Variants in EXOC7 observed in about 807,000 individuals in gnomAD.
EXOC7 encodes the protein exocyst complex component 7, also known as exocyst complex component Exo70.
EXOC7 carries 51 observed loss-of-function variants against 87.6 expected under a neutral mutation model. The observed-to-expected ratio is 0.58, with a 90% CI of 0.46 to 0.73. EXOC7 has a LOEUF of 0.73. Ranked by LOEUF, EXOC7 falls within the 30% of genes least tolerant of loss-of-function variation. The pLI, the probability that EXOC7 is intolerant of heterozygous loss-of-function variation, is 0.00. For missense variants in EXOC7, 744 were observed against 888.4 expected (o/e 0.84, Z 2.07); for synonymous variants, 327 against 357.1 (o/e 0.92, Z 0.95).
At chr17:76,094,636 C>T in intron 5 of EXOC7, 55 bp from the exon 6 acceptor site, 2 of 1,552,320 alleles carry the variant, frequency 1.3e-6, no homozygotes, top group Non-Finnish European at 8.8e-7. Flanking sequence ...CTCTGCCTTG[C>T]AGACCCACCA....
chr17:76,085,371 G>C lies in EXOC7; in HGVS notation c.1655C>G (p.Thr552Ser). ...GTGCTCCCGGTAGGAGCGCTCAGCA[G>C]TCTTCTGTGTCACTGCCACCAGCTG... ...LIQLVAVTQK[T>S]AERSYREHIE... Residue 552 changes from threonine to serine, a missense_variant, in exon 15 of 19, where the codon ACT becomes AGT. Thr to Ser is a moderately conservative substitution (Grantham distance 58). Coordinates refer to ENST00000589210, the MANE Select transcript of EXOC7 (RefSeq NM_001013839.4). 3 of 1,610,664 alleles carry C rather than the reference G, an allele frequency of 1.9e-6. No homozygotes were observed. Among genetic ancestry groups the C allele is most frequent in the Non-Finnish European group, 2.5e-6 (3 of 1,179,140 alleles).
At position 76,101,412 on chromosome 17, in the gene EXOC7, G is replaced by C. The variant is rs1380714091; in HGVS notation, c.312-36C>G. On this transcript the variant is annotated intron_variant, in intron 3 of 18. Transcript: ENST00000589210. ...AAAGAGCCAGGTCAGGCTGGGGCAT[G>C]GGGGATGAAGAAGGACTAAGGACAC... 3.1e-6 allele frequency: 5 copies of C among 1,611,504 alleles called. No homozygotes were observed. In the African/African-American group the frequency reaches 6.7e-5, roughly 22 times the overall value.
intron 6 of EXOC7, 142 bp downstream of exon 6, chr17:76,094,272 C>T: frequency 1.2e-6 from 1 of 856,838 alleles, no homozygotes; most frequent in South Asian, 2.0e-5. Flanking sequence ...CACTTGCTTT[C>T]TGTCCTGTGT....
At chr17:76,089,745 T>C (rs2067389641) in intron 7 of EXOC7, 1 of 205,552 alleles carries the variant, frequency 4.9e-6, no homozygotes, top group Non-Finnish European at 1.0e-5. Flanking sequence ...GGGTCATCCA[T>C]GTGGGCAAAT....
At chr17:76,088,152 A>C (rs1241197004) in intron 10 of EXOC7, 30 bp from the exon 11 acceptor site, 4 of 1,610,224 alleles carry the variant, frequency 2.5e-6, no homozygotes. Flanking sequence ...GGTTCCCTGA[A>C]GCAGCCCCCA....
At chr17:76,089,620 A>T in intron 7 of EXOC7, 1 of 449,140 alleles carries the variant, frequency 2.2e-6, no homozygotes, top group Non-Finnish European at 4.1e-6. Flanking sequence ...AGATTCCTGA[A>T]TCAGCGTCCT....
At position 76,103,373 on chromosome 17, in the gene EXOC7, G is replaced by C; in HGVS notation, c.114C>G (p.Leu38=). Residue 38 remains leucine (L), a synonymous_variant, in exon 2 of 19, where the codon CTC becomes CTG. Coordinates refer to ENST00000589210, the MANE Select transcript of EXOC7 (RefSeq NM_001013839.4). Reference sequence around the variant, plus strand: ...CGGGGAGACTCACCATGTTCTTAGTGAGCTGGTCGCTCTTCTCCAGGCTGT... The same window carrying C: ...CGGGGAGACTCACCATGTTCTTAGTCAGCTGGTCGCTCTTCTCCAGGCTGT... ...IRDSLEKSDQ[L]TKNMVSILSS... 6.2e-6 allele frequency: 10 copies of C among 1,603,462 alleles called. No homozygotes were observed. The highest frequency in any genetic ancestry group is 7.7e-6 in the Non-Finnish European group (9 of 1,174,970).
rs1397332320 is a variant in EXOC7 at position 76,094,536 on chromosome 17, C to T, written c.686G>A (p.Arg229His). 5.0e-6 allele frequency: 8 copies of T among 1,613,978 alleles called. No homozygotes were observed. The highest frequency in any genetic ancestry group is 6.8e-6 in the Non-Finnish European group (8 of 1,179,990). The change falls in exon 6 of 19, where the codon CGC (arginine) becomes CAC (histidine). Residue 229 changes from arginine to histidine, a missense_variant. Arg to His is a conservative substitution (Grantham distance 29). Coordinates refer to ENST00000589210, the MANE Select transcript of EXOC7 (RefSeq NM_001013839.4). The part of the protein sequence containing the change: ...YYQIRSSQLD[R>H]SIKGLKEHFH... ...ATGCTCCTTCAGTCCTTTGATGGAG[C>T]GGTCCAGCTGGCTGGAGCGTATCTG...
chr17:76,089,472 C>A lies in EXOC7; in HGVS notation c.902-152G>T. 3 of 919,680 alleles carry A rather than the reference C, an allele frequency of 3.3e-6. No individual in the cohort carries two copies. In the South Asian group the frequency reaches 5.0e-5, roughly 15 times the overall value. 57.0% of individuals were successfully genotyped at this position (919,680 alleles called of 1,614,324 possible). ...GTTCTGGCAGAAAGCTGCAAGGGAG[C>A]CAGCAGGCCCCGCCAGGTTCGAGGG... On this transcript the variant is annotated intron_variant, in intron 7 of 18. Coordinates refer to ENST00000589210, the MANE Select transcript of EXOC7 (RefSeq NM_001013839.4).
rs1337938172 is a variant in EXOC7, at chr17:76,085,126, G to A, written c.1712+188C>T. The stretch of plus-strand genomic sequence containing the variant: ...TAAAGTGGCCATAGTGGGCCCCTAG[G>A]AGCAGGTAGTGGTAGAGGAGGGGGC... On this transcript the variant is annotated intron_variant, in intron 15 of 18. Coordinates refer to ENST00000589210, the MANE Select transcript of EXOC7 (RefSeq NM_001013839.4). 46 of 601,248 alleles carry A rather than the reference G, an allele frequency of 7.7e-5. No individual in the cohort carries two copies. In the Admixed American group the frequency reaches 1.2e-3, roughly 16 times the overall value. 37.2% of individuals were successfully genotyped at this position (601,248 alleles called of 1,614,324 possible). A position where few individuals can be genotyped will look rare whatever the true frequency, so the allele number is the denominator to read the frequency against.
rs781489327 is a variant in EXOC7, at chr17:76,081,370, C to T, written c.*2278G>A. ...TTATGATCTGAAGACCCAAGTCCCA[C>T]CCCAGCAGCTGGTGCCCTGCTTCCA... On this transcript the variant is annotated 3_prime_UTR_variant, in exon 19 of 19. Transcript: ENST00000589210. 4 of 1,614,058 alleles carry T rather than the reference C, an allele frequency of 2.5e-6. No homozygotes were observed. Among genetic ancestry groups the T allele is most frequent in the East Asian group, 2.2e-5 (1 of 44,886 alleles).
chr17:76,098,417 T>C (rs926262296), intron 4 of EXOC7, among the ~76,000 whole-genome samples: 3 of 151,624 alleles, frequency 2.0e-5, no homozygotes, highest in African/African-American at 4.8e-5. Flanking sequence ...ATTACAGGCA[T>C]GAGCCACTGC....
In EXOC7 at chr17:76,086,175, T is replaced by C. The variant is rs200628835; in HGVS notation, c.1430-30A>G. 425 of 1,609,122 alleles carry C rather than the reference T, an allele frequency of 2.6e-4. 1 individual carries two copies. The African/African-American group carries it at 5.3e-3, about 20-fold the overall frequency. ...GAGAGGAGAAGTCCTGTTATTGCAG[T>C]GGCAGCAGCCAAGACCCTCAACGGC... On this transcript the variant is annotated intron_variant, in intron 12 of 18. Coordinates refer to ENST00000589210, the MANE Select transcript of EXOC7 (RefSeq NM_001013839.4).
chr17:76,084,245 C>T lies in EXOC7; in HGVS notation c.1818+3G>A. Reference sequence around the variant, plus strand: ...CAGTGGAGGGGAGAGGACCCCGACTCACCTTAAAACGCTCCTTGATAATCT... The same window carrying T: ...CAGTGGAGGGGAGAGGACCCCGACTTACCTTAAAACGCTCCTTGATAATCT... On this transcript the variant is annotated splice_donor_region_variant and intron_variant, in intron 17 of 18. Coordinates refer to ENST00000589210, the MANE Select transcript of EXOC7 (RefSeq NM_001013839.4). 1 of 1,612,054 alleles carries T rather than the reference C, an allele frequency of 6.2e-7. No homozygotes were observed.
chr17:76,082,683 G>A lies in EXOC7; in HGVS notation c.*965C>T. On this transcript the variant is annotated 3_prime_UTR_variant, in exon 19 of 19. Coordinates refer to ENST00000589210, the MANE Select transcript of EXOC7 (RefSeq NM_001013839.4). The stretch of plus-strand genomic sequence containing the variant: ...GCAGGGCCTGGGCTGCACACCTTAG[G>A]ATGAAGTTTGCTTTCCCATGGCTGG... 1 of 1,561,584 alleles carries A rather than the reference G, an allele frequency of 6.4e-7. No homozygotes were observed. Among genetic ancestry groups the A allele is most frequent in the Non-Finnish European group, 8.7e-7 (1 of 1,154,672 alleles).
intron 7 of EXOC7, chr17:76,090,523 G>C: frequency 2.6e-6 from 4 of 1,540,048 alleles, no homozygotes; most frequent in South Asian, 1.2e-5. Context: ...GATGGGGAAG[G>C]GGGCATCGGA....
intron 5 of EXOC7, among the ~76,000 whole-genome samples, chr17:76,095,681 C>T (rs1598333115): frequency 1.3e-5 from 2 of 152,202 alleles, no homozygotes; most frequent in South Asian, 2.1e-4. Flanking sequence ...ATGGAACTGT[C>T]GATGAGTCCA....
intron 2 of EXOC7, among the ~76,000 whole-genome samples, chr17:76,102,159 C>T (rs1353805111): frequency 1.3e-5 from 2 of 152,104 alleles, no homozygotes; most frequent in Non-Finnish European, 2.9e-5. Context: ...CCTTTGAAGC[C>T]AAATCTCAAC....
Position 76,083,510 on chromosome 17 carries a change from A to C in EXOC7, c.*138T>G. 1 of 790,202 alleles carries C rather than the reference A, an allele frequency of 1.3e-6. No individual in the cohort carries two copies. The highest frequency in any genetic ancestry group is 2.1e-6 in the Non-Finnish European group (1 of 468,106). The allele number at this position is 790,202 out of a possible 1,614,324, so 48.9% of individuals were successfully genotyped here. A position where few individuals can be genotyped will look rare whatever the true frequency, so the allele number is the denominator to read the frequency against. ...GGAGCCAGGACTAGGGGGCTCAGGG[A>C]CACAGCTCCCGGAGGCGTGGAGACA... On this transcript the variant is annotated 3_prime_UTR_variant, in exon 19 of 19. Transcript: ENST00000589210.
Sources: allele counts gnomAD v4.1 joint callset (sites outside exome capture counted in the v4.1 genomes callset), GRCh38; gene constraint gnomAD v4.1.1; transcripts MANE v1.5; gene names NCBI Gene and HGNC (gene_info 2026-07-23, HGNC 2026-07-21).